Variants in SEC24B observed in about 807,000 individuals in gnomAD.
SEC24B encodes the protein protein transport protein Sec24B.
Under a neutral mutation model 142.8 loss-of-function variants are expected in SEC24B, and 45 were observed. The observed-to-expected ratio is 0.32, with a 90% CI of 0.25 to 0.40. The LOEUF is 0.40. SEC24B is among the 10% of genes least tolerant of loss of function. The pLI is 1.00. For synonymous variants in SEC24B, 574 were observed against 568.2 expected (o/e 1.01, Z -0.15); for missense variants, 1,409 against 1,526.8 (o/e 0.92, Z 1.29).
chr4:109,524,905 C>A lies in SEC24B; in HGVS notation c.2596C>A (p.Leu866Ile). The A allele has an allele frequency of 6.2e-7, 1 of 1,611,932 alleles. No homozygotes were observed. Among genetic ancestry groups the A allele is most frequent in the Non-Finnish European group, 8.5e-7 (1 of 1,178,958 alleles). ...SGQQTAVDLF[L>I]LSSQYSDLAS... ...ACAGCAAACTGCAGTGGATTTGTTC[C>A]TTTTAAGTTCACAGTATTCTGATCT... Residue 866 changes from leucine to isoleucine, a missense_variant, in exon 15 of 24, where the codon CTT (leucine) becomes ATT (isoleucine). Transcript: ENST00000265175.
rs1183863511 is a variant in SEC24B, at chr4:109,521,508, C to T, written c.2390C>T (p.Ala797Val). 6.2e-7 allele frequency: 1 copy of T among 1,614,062 alleles called. No homozygotes were observed. Among genetic ancestry groups the T allele is most frequent in the Admixed American group, 1.7e-5 (1 of 60,030 alleles). Residue 797 changes from alanine (A) to valine (V), a missense_variant, in exon 14 of 24, where the codon GCC (alanine) becomes GTC (valine). This residue lies in a region of SEC24B where 700 missense variants were observed against 853.3 expected (regional missense o/e 0.82). Transcript: ENST00000265175. ...HSALGPALQA[A>V]FKLMSPTGGR... ...GCCCTTGGTCCTGCACTTCAGGCTG[C>T]CTTTAAATTAATGTCTCCAACAGGT...
chr4:109,481,185 ATTC>A (rs1291098585), intron 3 of SEC24B, among the ~76,000 whole-genome samples: 3 of 151,958 alleles, frequency 2.0e-5, no homozygotes, highest in Non-Finnish European at 2.9e-5. Context: ...TTTAACTGTG[ATTC>A]TTCTTCTGTT....
chr4:109,490,248 C>T (rs1378985055), intron 4 of SEC24B, among the ~76,000 whole-genome samples: 1 of 152,056 alleles, frequency 6.6e-6, no homozygotes, highest in African/African-American at 2.4e-5. Context: ...AAATCATGTT[C>T]TTTGCTGATA....
chr4:109,519,083 AGCCACTGCACCTG>A (rs1723310929), intron 11 of SEC24B, among the ~76,000 whole-genome samples: 1 of 152,110 alleles, frequency 6.6e-6, no homozygotes, highest in East Asian at 1.9e-4. Context: ...CTGGGATTAC[AGCCACTGCACCTG>A]GCTTGTTTTT....
chr4:109,441,623 G>A (rs955104902), intron 1 of SEC24B, among the ~76,000 whole-genome samples: 2 of 152,066 alleles, frequency 1.3e-5, no homozygotes, highest in African/African-American at 4.8e-5. Flanking sequence ...GTAGAGATGG[G>A]GTTTCACCAT....
chr4:109,509,117 G>A (rs1031312053), intron 7 of SEC24B, among the ~76,000 whole-genome samples: 6 of 152,156 alleles, frequency 3.9e-5, no homozygotes, highest in Non-Finnish European at 8.8e-5. Context: ...TTTGAGTAGA[G>A]ATCTGGGTGA....
At chr4:109,457,246 C>T (rs896338043) in intron 1 of SEC24B, among the ~76,000 whole-genome samples, 1 of 152,174 alleles carries the variant, frequency 6.6e-6, no homozygotes, top group African/African-American at 2.4e-5. Context: ...CTTAAAACAA[C>T]ATAAATGTAT....
At chr4:109,465,038 A>G (rs1195140877) in intron 2 of SEC24B, among the ~76,000 whole-genome samples, 1 of 152,238 alleles carries the variant, frequency 6.6e-6, no homozygotes, top group Non-Finnish European at 1.5e-5. Flanking sequence ...AAAAGCACCA[A>G]GAAGGGAGAG....
intron 3 of SEC24B, among the ~76,000 whole-genome samples, chr4:109,473,968 T>C (rs1263780255): frequency 2.0e-5 from 3 of 152,164 alleles, no homozygotes; most frequent in African/African-American, 4.8e-5. Flanking sequence ...GCTCCTAACG[T>C]TGAGTGTGAA....
intron 6 of SEC24B, among the ~76,000 whole-genome samples, chr4:109,499,163 G>T (rs1286999800): frequency 6.6e-6 from 1 of 152,164 alleles, no homozygotes; most frequent in African/African-American, 2.4e-5. Flanking sequence ...TGCTAGGGAA[G>T]CCAGGCAAGA....
intron 15 of SEC24B, 85 bp downstream of exon 15, chr4:109,525,026 T>G: frequency 2.9e-5 from 37 of 1,274,806 alleles, no homozygotes; most frequent in Non-Finnish European, 3.7e-5. Flanking sequence ...AAGCATTCTC[T>G]ATATTTTAGG....
chr4:109,435,038 G>T (rs1728274747), intron 1 of SEC24B, among the ~76,000 whole-genome samples: 1 of 152,188 alleles, frequency 6.6e-6, no homozygotes, highest in Admixed American at 6.5e-5. Flanking sequence ...TCCTGTGTTG[G>T]TACGAGAACC....
intron 1 of SEC24B, among the ~76,000 whole-genome samples, chr4:109,440,196 T>C (rs56717127): frequency 6.6e-6 from 1 of 152,172 alleles, no homozygotes; most frequent in Non-Finnish European, 1.5e-5. Context: ...AATTTTTATT[T>C]TTTATTGCTA....
chr4:109,523,241 G>A lies in SEC24B; in HGVS notation c.2509-1577G>A, dbSNP rs190025935. Among the ~76,000 whole-genome samples, 484 of 152,222 alleles carry A rather than the reference G, an allele frequency of 3.2e-3. 3 individuals carry two copies. The highest frequency in any genetic ancestry group is 4.8e-3 in the Non-Finnish European group (326 of 68,028). Reference sequence around the variant, plus strand: ...TCCCGGCACTTTGGGAGGCAAAGGTGGGTGGATCACTTGAGTTCAGGAGTT... The same window carrying A: ...TCCCGGCACTTTGGGAGGCAAAGGTAGGTGGATCACTTGAGTTCAGGAGTT... On this transcript the variant is annotated intron_variant, in intron 14 of 23. Coordinates refer to ENST00000265175, the MANE Select transcript of SEC24B (RefSeq NM_006323.5).
At chr4:109,436,836 A>C (rs1435659664) in intron 1 of SEC24B, among the ~76,000 whole-genome samples, 1 of 152,292 alleles carries the variant, frequency 6.6e-6, no homozygotes, top group Admixed American at 6.5e-5. Flanking sequence ...ACATGTGGAG[A>C]TGCTGGGAGG....
In SEC24B at chr4:109,539,845, A is replaced by G; in HGVS notation, c.*170A>G. The G allele has an allele frequency of 1.7e-6, 1 of 576,734 alleles. No homozygotes were observed. Among genetic ancestry groups the G allele is most frequent in the Admixed American group, 3.3e-5 (1 of 30,416 alleles). 35.7% of individuals were successfully genotyped at this position (576,734 alleles called of 1,614,324 possible). A position where few individuals can be genotyped will look rare whatever the true frequency, so the allele number is the denominator to read the frequency against. ...TAAAGGGGAAGAAAGAACTTGACAG[A>G]TCTTTTTCAACTCAAATTAATGGTA... On this transcript the variant is annotated 3_prime_UTR_variant, in exon 24 of 24. Transcript: ENST00000265175.
intron 11 of SEC24B, 113 bp downstream of exon 11, chr4:109,516,753 A>G: frequency 3.6e-6 from 2 of 558,192 alleles, no homozygotes; most frequent in Non-Finnish European, 6.2e-6. Flanking sequence ...TTTATCAACT[A>G]AAAAGAGTAC....
Position 109,508,511 on chromosome 4 carries a change from G to A in SEC24B, c.1674-1498G>A, listed in dbSNP as rs572664671. Among the ~76,000 whole-genome samples the A allele has an allele frequency of 6.0e-4, 91 of 152,094 alleles. 3 individuals are homozygous for A. The South Asian group carries it at 0.013, about 21-fold the overall frequency. On this transcript the variant is annotated intron_variant, in intron 7 of 23. Transcript: ENST00000265175. ...GAGCCCAGGAGGTGGAAGTTGTGGC[G>A]ATCCAAGATCATAACACTGTACTCC... is the stretch of plus-strand genomic sequence containing the variant.
At position 109,453,888 on chromosome 4, in the gene SEC24B, G is replaced by A. The variant is rs139758445; in HGVS notation, c.134-9013G>A. On this transcript the variant is annotated intron_variant, in intron 1 of 23. Coordinates refer to ENST00000265175, the MANE Select transcript of SEC24B (RefSeq NM_006323.5). ...GACTTCCCGCAACAGACGGAGTTTC[G>A]CTCTTGTCCCCCAGGCTGGAGTGCA... Among the ~76,000 whole-genome samples the A allele has an allele frequency of 1.0e-3, 154 of 152,214 alleles. 1 individual carries two copies. Among genetic ancestry groups the A allele is most frequent in the African/African-American group, 3.3e-3 (139 of 41,540 alleles).
Sources: allele counts gnomAD v4.1 joint callset (sites outside exome capture counted in the v4.1 genomes callset), GRCh38; gene constraint gnomAD v4.1.1; regional missense constraint gnomAD v4.1.1; transcripts MANE v1.5; gene names NCBI Gene and HGNC (gene_info 2026-07-23, HGNC 2026-07-21).